Variants in FOXL1 observed in about 807,000 individuals in gnomAD.
The protein encoded by FOXL1 is forkhead box L1.
A neutral mutation model predicts 1.7 loss-of-function variants in FOXL1; 2 were observed. The observed-to-expected ratio is 1.21, with a 90% CI of 0.49 to 3.80. The LOEUF is 3.80. FOXL1 is among the 30% of genes most tolerant of loss of function. The probability of loss-of-function intolerance (pLI) is 0.07; values close to 1 mark genes in which losing one functional copy is unlikely to be tolerated. For missense variants in FOXL1, 565 were observed against 495.8 expected, an observed-to-expected ratio of 1.14 and a Z score of -1.32; for synonymous variants, 280 against 229.3, an observed-to-expected ratio of 1.22 and a Z score of -2.00.
Position 86,578,637 on chromosome 16 carries a change from G to C in FOXL1, c.-87G>C, listed in dbSNP as rs1974368213. ...GAGGCAGAGGCACGGCTGGCTCCCC[G>C]GGAGGGCCCTTGCGGCGCGGGGCGC... On this transcript the variant is annotated 5_prime_UTR_variant, in exon 1 of 1. Coordinates refer to ENST00000320241, the MANE Select transcript of FOXL1 (RefSeq NM_005250.3). 2 of 1,247,662 alleles carry C rather than the reference G, an allele frequency of 1.6e-6. No individual in the cohort carries two copies. The highest frequency in any genetic ancestry group is 2.2e-6 in the Non-Finnish European group (2 of 910,482). The allele number at this position is 1,247,662 out of a possible 1,614,324, so 77.3% of individuals were successfully genotyped here.
chr16:86,579,668 C>T lies in FOXL1; in HGVS notation c.945C>T (p.Asp315=), dbSNP rs376500241. Residue 315 remains aspartate, a synonymous_variant, in exon 1 of 1, where the codon GAC becomes GAT. Transcript: ENST00000320241. ...RPPFNASLML[D]PHVQGGFYQL... Reference sequence around the variant, plus strand: ...CTTTCAACGCTTCCCTGATGCTCGACCCGCATGTCCAGGGCGGCTTTTACC... The same window carrying T: ...CTTTCAACGCTTCCCTGATGCTCGATCCGCATGTCCAGGGCGGCTTTTACC... 5.0e-5 allele frequency: 80 copies of T among 1,613,944 alleles called. No individual in the cohort carries two copies. In the African/African-American group the frequency reaches 8.9e-4, roughly 18 times the overall value.
chr16:86,578,755 C>T lies in FOXL1; in HGVS notation c.32C>T (p.Ala11Val), dbSNP rs748909977. 1 of 1,608,392 alleles carries T rather than the reference C, an allele frequency of 6.2e-7. No homozygotes were observed. Among genetic ancestry groups the T allele is most frequent in the Middle Eastern group, 1.7e-4 (1 of 6,040 alleles). ...CACCTCTTCGATCCCCGGCTGCCTG[C>T]CCTGGCCGCCTCGCCCATGCTGTAT... The part of the protein sequence containing the change: MSHLFDPRLP[A>V]LAASPMLYLY... The change falls in exon 1 of 1, where the codon GCC becomes GTC. Residue 11 changes from alanine (A) to valine (V), a missense_variant. By Grantham distance (64) the Ala-to-Val change is moderately conservative. Coordinates refer to ENST00000320241, the MANE Select transcript of FOXL1 (RefSeq NM_005250.3).
chr16:86,583,354 T>G lies in FOXL1; in HGVS notation c.*3593T>G, dbSNP rs140984275. Among the ~76,000 whole-genome samples the G allele has an allele frequency of 1.8e-4, 28 of 152,218 alleles. No homozygotes were observed. Among genetic ancestry groups the G allele is most frequent in the African/African-American group, 6.0e-4 (25 of 41,530 alleles). On this transcript the variant is annotated 3_prime_UTR_variant, in exon 1 of 1. Coordinates refer to ENST00000320241, the MANE Select transcript of FOXL1 (RefSeq NM_005250.3). ...GGGGAGAGCCATGATTTTGTGCACT[T>G]CCTGGCTTCATGGTGGATGGAGTCT...
chr16:86,580,312 C>G lies in FOXL1; in HGVS notation c.*551C>G, dbSNP rs1002843258. On this transcript the variant is annotated 3_prime_UTR_variant, in exon 1 of 1. Coordinates refer to ENST00000320241, the MANE Select transcript of FOXL1 (RefSeq NM_005250.3). ...AGTTGTGGAGGTGCCGGGGGTGACC[C>G]CGGGTTTTCAGGTTTTCTGAGAGAT... 1.2e-5 allele frequency: 2 copies of G among 167,478 alleles called. No homozygotes were observed. 10.4% of individuals were successfully genotyped at this position (167,478 alleles called of 1,614,324 possible). A position where few individuals can be genotyped will look rare whatever the true frequency, so the allele number is the denominator to read the frequency against.
chr16:86,581,679 G>GT lies in FOXL1; in HGVS notation c.*1924dup, dbSNP rs1369168529. On this transcript the variant is annotated 3_prime_UTR_variant, in exon 1 of 1. Coordinates refer to ENST00000320241, the MANE Select transcript of FOXL1 (RefSeq NM_005250.3). ...ACTCTCAGCCTCTGTGAATAAAGTT[G>GT]TTTTTTCATTAACCTCTCAGTGACT... 3 of 167,104 alleles carry GT rather than the reference G, an allele frequency of 1.8e-5. No individual in the cohort carries two copies. The highest frequency in any genetic ancestry group is 6.5e-5 in the Admixed American group (1 of 15,290). 10.4% of individuals were successfully genotyped at this position (167,104 alleles called of 1,614,324 possible).
rs888330973 is a variant in FOXL1, at chr16:86,580,080, C to T, written c.*319C>T. On this transcript the variant is annotated 3_prime_UTR_variant, in exon 1 of 1. Transcript: ENST00000320241. ...GACCTGTCTAATGGAGTGTGGTCTT[C>T]AGCCGCCCACCGCAGGTCCTGCGAG... is the stretch of plus-strand genomic sequence containing the variant. 1 of 326,164 alleles carries T rather than the reference C, an allele frequency of 3.1e-6. No individual in the cohort carries two copies. The highest frequency in any genetic ancestry group is 2.1e-5 in the African/African-American group (1 of 48,076). The allele number at this position is 326,164 out of a possible 1,614,324, so 20.2% of individuals were successfully genotyped here.
Position 86,580,096 on chromosome 16 carries a change from G to T in FOXL1, c.*335G>T. ...TGTGGTCTTCAGCCGCCCACCGCAG[G>T]TCCTGCGAGTCCCGGGCATGCAAGG... On this transcript the variant is annotated 3_prime_UTR_variant, in exon 1 of 1. Transcript: ENST00000320241. The T allele has an allele frequency of 3.5e-6, 1 of 287,970 alleles. No individual in the cohort carries two copies. Among genetic ancestry groups the T allele is most frequent in the Non-Finnish European group, 7.0e-6 (1 of 143,382 alleles). The allele number at this position is 287,970 out of a possible 1,614,324, so 17.8% of individuals were successfully genotyped here.
rs1974417066 is a variant in FOXL1, at chr16:86,581,823, C to G, written c.*2062C>G. On this transcript the variant is annotated 3_prime_UTR_variant, in exon 1 of 1. Transcript: ENST00000320241. ...GGCTCTGGCTTCTGAGGGGTAAACACACAGATGGAGGGGAAGGAGTGGAGA... is the reference window on the plus strand; with the variant it reads ...GGCTCTGGCTTCTGAGGGGTAAACAGACAGATGGAGGGGAAGGAGTGGAGA... The G allele has an allele frequency of 6.1e-6, 1 of 164,186 alleles. No homozygotes were observed. Among genetic ancestry groups the G allele is most frequent in the South Asian group, 2.1e-4 (1 of 4,824 alleles). 10.2% of individuals were successfully genotyped at this position (164,186 alleles called of 1,614,324 possible).
At position 86,579,365 on chromosome 16, in the gene FOXL1, G is replaced by A. The variant is rs1375747479; in HGVS notation, c.642G>A (p.Pro214=). ...APLHWPGTAS[P]NEDAGDAAQG... ...TCCACTGGCCGGGGACCGCGTCCCC[G>A]AACGAGGACGCTGGTGACGCTGCCC... Residue 214 remains proline, a synonymous_variant, in exon 1 of 1, where the codon CCG becomes CCA. Coordinates refer to ENST00000320241, the MANE Select transcript of FOXL1 (RefSeq NM_005250.3). The A allele has an allele frequency of 4.7e-6, 7 of 1,490,758 alleles. No homozygotes were observed. In the Admixed American group the frequency reaches 6.8e-5, roughly 15 times the overall value. 92.3% of individuals were successfully genotyped at this position (1,490,758 alleles called of 1,614,324 possible).
Position 86,582,933 on chromosome 16 carries a change from G to A in FOXL1, c.*3172G>A, listed in dbSNP as rs545712345. ...AACTGACAGATTTTATTTAAACATC[G>A]CGGAAGACACCCGCTTTGAGAACTT... On this transcript the variant is annotated 3_prime_UTR_variant, in exon 1 of 1. Coordinates refer to ENST00000320241, the MANE Select transcript of FOXL1 (RefSeq NM_005250.3). Among the ~76,000 whole-genome samples, 13 of 151,150 alleles carry A rather than the reference G, an allele frequency of 8.6e-5. No homozygotes were observed. The South Asian group carries it at 1.5e-3, about 17-fold the overall frequency.
In FOXL1 at chr16:86,579,667, A is replaced by C. The variant is rs371495333; in HGVS notation, c.944A>C (p.Asp315Ala). 6.2e-7 allele frequency: 1 copy of C among 1,613,698 alleles called. No homozygotes were observed. Among genetic ancestry groups the C allele is most frequent in the Non-Finnish European group, 8.5e-7 (1 of 1,179,980 alleles). ...RPPFNASLML[D>A]PHVQGGFYQL... Reference sequence around the variant, plus strand: ...CCTTTCAACGCTTCCCTGATGCTCGACCCGCATGTCCAGGGCGGCTTTTAC... The same window carrying C: ...CCTTTCAACGCTTCCCTGATGCTCGCCCCGCATGTCCAGGGCGGCTTTTAC... The change falls in exon 1 of 1, where the codon GAC becomes GCC. Residue 315 changes from aspartate (D) to alanine (A), a missense_variant. By Grantham distance (126) the Asp-to-Ala change is moderately radical (BLOSUM62 -2). Coordinates refer to ENST00000320241, the MANE Select transcript of FOXL1 (RefSeq NM_005250.3).
Position 86,583,369 on chromosome 16 carries a change from G to T in FOXL1, c.*3608G>T. 6.6e-6 allele frequency among the ~76,000 whole-genome samples: 1 copy of T among 151,974 alleles called. No homozygotes were observed. Among genetic ancestry groups the T allele is most frequent in the South Asian group, 2.1e-4 (1 of 4,810 alleles). On this transcript the variant is annotated 3_prime_UTR_variant, in exon 1 of 1. Transcript: ENST00000320241. Reference sequence around the variant, plus strand: ...TTTGTGCACTTCCTGGCTTCATGGTGGATGGAGTCTTGTTTCCATGAAATA... The same window carrying T: ...TTTGTGCACTTCCTGGCTTCATGGTTGATGGAGTCTTGTTTCCATGAAATA...
In FOXL1 at chr16:86,579,217, G is replaced by A. The variant is rs762898236; in HGVS notation, c.494G>A (p.Ser165Asn). The A allele has an allele frequency of 1.9e-6, 3 of 1,554,444 alleles. No individual in the cohort carries two copies. Among genetic ancestry groups the A allele is most frequent in the Non-Finnish European group, 2.6e-6 (3 of 1,152,452 alleles). The change falls in exon 1 of 1, where the codon AGC becomes AAC. Residue 165 changes from serine to asparagine, a missense_variant. Ser to Asn is a conservative substitution (Grantham distance 46). Coordinates refer to ENST00000320241, the MANE Select transcript of FOXL1 (RefSeq NM_005250.3). ...CCCCGCGCCGAGACGCACCAGCGCA[G>A]CGCGGAGGCGCAGCCGGAGGCGGGG... is the stretch of plus-strand genomic sequence containing the variant. The part of the protein sequence containing the change: ...KRPRAETHQR[S>N]AEAQPEAGSG...
At position 86,579,172 on chromosome 16, in the gene FOXL1, G is replaced by C. The variant is rs1974377617; in HGVS notation, c.449G>C (p.Gly150Ala). 6.2e-7 allele frequency: 1 copy of C among 1,607,038 alleles called. No individual in the cohort carries two copies. The highest frequency in any genetic ancestry group is 1.3e-5 in the African/African-American group (1 of 74,778). The change falls in exon 1 of 1, where the codon GGG becomes GCG. Residue 150 changes from glycine (G) to alanine (A), a missense_variant. By Grantham distance (60) the Gly-to-Ala change is moderately conservative (BLOSUM62 0). Transcript: ENST00000320241. ...RRKRKPKPGP[G>A]APEAKRPRAE... ...AAGAGGAAGCCCAAGCCGGGCCCCG[G>C]GGCCCCGGAGGCCAAGAGGCCCCGC...
In FOXL1 at chr16:86,579,320, C is replaced by T; in HGVS notation, c.597C>T (p.Gly199=). ...APAGPSPLLD[G]PSPPAPLHWP... ...CGGGCCCCTCGCCCCTCCTGGACGG[C>T]CCCTCTCCGCCGGCGCCCCTCCACT... The change falls in exon 1 of 1, where the codon GGC becomes GGT. Residue 199 remains glycine, a synonymous_variant. Coordinates refer to ENST00000320241, the MANE Select transcript of FOXL1 (RefSeq NM_005250.3). 1 of 1,465,230 alleles carries T rather than the reference C, an allele frequency of 6.8e-7. No homozygotes were observed. The highest frequency in any genetic ancestry group is 9.0e-7 in the Non-Finnish European group (1 of 1,116,084). The allele number at this position is 1,465,230 out of a possible 1,614,324, so 90.8% of individuals were successfully genotyped here.
In FOXL1 at chr16:86,579,822, A is replaced by G. The variant is rs1265815349; in HGVS notation, c.*61A>G. 5.6e-6 allele frequency: 8 copies of G among 1,426,192 alleles called. No individual in the cohort carries two copies. The African/African-American group carries it at 8.5e-5, about 15-fold the overall frequency. 88.3% of individuals were successfully genotyped at this position (1,426,192 alleles called of 1,614,324 possible). On this transcript the variant is annotated 3_prime_UTR_variant, in exon 1 of 1. Transcript: ENST00000320241. ...CTGAGCCTCCGCTGAGCGAAAGGCC[A>G]CAGCTCCCACCGGCGGAGGATTTTA...
chr16:86,579,104 C>G lies in FOXL1; in HGVS notation c.381C>G (p.Pro127=), dbSNP rs566337140. The G allele has an allele frequency of 6.8e-6, 11 of 1,613,998 alleles. No individual in the cohort carries two copies. The highest frequency in any genetic ancestry group is 6.7e-5 in the East Asian group (3 of 44,840). Residue 127 remains proline (P), a synonymous_variant, in exon 1 of 1, where the codon CCC becomes CCG. Transcript: ENST00000320241. ...PGKGSYWTLD[P]RCLDMFENGN... is the part of the protein sequence containing the mutation. ...AGGGCAGCTACTGGACGCTGGACCC[C>G]CGCTGCCTGGACATGTTTGAGAACG...
Position 86,579,394 on chromosome 16 carries a change from G to C in FOXL1, c.671G>C (p.Gly224Ala). ...GAGGACGCTGGTGACGCTGCCCAGG[G>C]CGCAGCGGCCGTGGCGGTCGGCCAG... ...PNEDAGDAAQ[G>A]AAAVAVGQAA... Residue 224 changes from glycine to alanine, a missense_variant, in exon 1 of 1, where the codon GGC (glycine) becomes GCC (alanine). Coordinates refer to ENST00000320241, the MANE Select transcript of FOXL1 (RefSeq NM_005250.3). 6.6e-7 allele frequency: 1 copy of C among 1,523,802 alleles called. No individual in the cohort carries two copies. The highest frequency in any genetic ancestry group is 1.4e-5 in the African/African-American group (1 of 72,206). The allele number at this position is 1,523,802 out of a possible 1,614,324, so 94.4% of individuals were successfully genotyped here.
rs538955373 is a variant in FOXL1, at chr16:86,583,253, C to T, written c.*3492C>T. Among the ~76,000 whole-genome samples, 33 of 152,010 alleles carry T rather than the reference C, an allele frequency of 2.2e-4. No individual in the cohort carries two copies. Among genetic ancestry groups the T allele is most frequent in the African/African-American group, 7.7e-4 (32 of 41,442 alleles). On this transcript the variant is annotated 3_prime_UTR_variant, in exon 1 of 1. Transcript: ENST00000320241. ...AAGCCAGAGCCAGCCTGCCCAGACC[C>T]TGGCAGGTTAATGTTAACATCACAA...
Sources: allele counts gnomAD v4.1 joint callset (sites outside exome capture counted in the v4.1 genomes callset), GRCh38; gene constraint gnomAD v4.1.1; transcripts MANE v1.5; gene names NCBI Gene and HGNC (gene_info 2026-07-23, HGNC 2026-07-21).